Variants in ARMC10 observed in about 807,000 individuals in gnomAD.
The protein encoded by ARMC10 is armadillo repeat containing 10.
A neutral mutation model predicts 30.2 loss-of-function variants in ARMC10; 23 were observed. The ratio of observed to expected loss-of-function variants is 0.76; its 90% CI spans 0.55 to 1.08. The LOEUF is 1.08. Among genes scored for constraint, ARMC10 ranks in the 50% least tolerant of loss-of-function variants. The pLI is 0.00. For missense variants in ARMC10, 303 were observed against 413.7 expected, an observed-to-expected ratio of 0.73 and a Z score of 2.32; for synonymous variants, 111 against 164.4, an observed-to-expected ratio of 0.68 and a Z score of 2.48.
Position 103,083,716 on chromosome 7 carries a change from A to G in ARMC10, c.279A>G (p.Leu93=), listed in dbSNP as rs1800588834. 1 of 1,613,158 alleles carries G rather than the reference A, an allele frequency of 6.2e-7. No homozygotes were observed. The highest frequency in any genetic ancestry group is 8.5e-7 in the Non-Finnish European group (1 of 1,179,268). Residue 93 remains leucine, a synonymous_variant, in exon 3 of 7, where the codon CTA becomes CTG. Coordinates refer to ENST00000323716, the MANE Select transcript of ARMC10 (RefSeq NM_031905.5). The part of the protein sequence containing the change: ...DLTDGSYDDV[L]NAEQLQKLLY... Reference sequence around the variant, plus strand: ...CTGATGGTTCATATGATGATGTTCTAAATGCTGAACAACTTCAGAAACTCC... The same window carrying G: ...CTGATGGTTCATATGATGATGTTCTGAATGCTGAACAACTTCAGAAACTCC...
At position 103,098,650 on chromosome 7, in the gene ARMC10, T is replaced by C. The variant is rs1274801093; in HGVS notation, c.*97T>C. The C allele has an allele frequency of 2.0e-5, 30 of 1,489,646 alleles. No individual in the cohort carries two copies. In the South Asian group the frequency reaches 2.7e-4, roughly 13 times the overall value. The allele number at this position is 1,489,646 out of a possible 1,614,324, so 92.3% of individuals were successfully genotyped here. A position where few individuals can be genotyped will look rare whatever the true frequency, so the allele number is the denominator to read the frequency against. ...TCTCCCAGCTGCTAAATTTAAACAGTAAATATCACATTTTGTCATTAACAC... is the reference window on the plus strand; with the variant it reads ...TCTCCCAGCTGCTAAATTTAAACAGCAAATATCACATTTTGTCATTAACAC... On this transcript the variant is annotated 3_prime_UTR_variant, in exon 7 of 7. Coordinates refer to ENST00000323716, the MANE Select transcript of ARMC10 (RefSeq NM_031905.5).
chr7:103,089,546 A>G, intron 4 of ARMC10: 1 of 175,802 alleles, frequency 5.7e-6, no homozygotes, highest in Admixed American at 5.5e-5. Context: ...ACTGAGTTTC[A>G]GGACTTCTGG....
At position 103,075,533 on chromosome 7, in the gene ARMC10, C is replaced by T. The variant is rs1345512734; in HGVS notation, c.139+122C>T. On this transcript the variant is annotated intron_variant, in intron 1 of 6. Coordinates refer to ENST00000323716, the MANE Select transcript of ARMC10 (RefSeq NM_031905.5). ...AGCCGAGCTAGAGGGAGAGGCAGTA[C>T]TTGTGTGAGTGCAGGGTGCTGCGCC... 8.2e-6 allele frequency: 9 copies of T among 1,091,480 alleles called. No homozygotes were observed. The African/African-American group carries it at 1.3e-4, about 16-fold the overall frequency. 67.6% of individuals were successfully genotyped at this position (1,091,480 alleles called of 1,614,324 possible).
chr7:103,085,606 C>CTTTTTTT (rs10581217), intron 3 of ARMC10, among the ~76,000 whole-genome samples: 1 of 130,586 alleles, frequency 7.7e-6, no homozygotes, highest in African/African-American at 2.8e-5. Flanking sequence ...CATTTCTCTT[C>CTTTTTTT]TTTTTTTTTT....
intron 5 of ARMC10, among the ~76,000 whole-genome samples, chr7:103,094,901 C>T (rs534650562): frequency 6.6e-6 from 1 of 152,190 alleles, no homozygotes; most frequent in East Asian, 1.9e-4. Context: ...TTTGTTTTTA[C>T]CTTGTTCTCT....
At chr7:103,092,062 G>A (rs1007888509) in intron 4 of ARMC10, among the ~76,000 whole-genome samples, 1 of 152,220 alleles carries the variant, frequency 6.6e-6, no homozygotes, top group African/African-American at 2.4e-5. Context: ...GCCGGGCACA[G>A]TGGCTCACGC....
intron 5 of ARMC10, chr7:103,096,238 G>A (rs1432535167): frequency 6.6e-6 from 1 of 152,058 alleles, no homozygotes; most frequent in Non-Finnish European, 1.5e-5. Flanking sequence ...GTGGCTCATT[G>A]CCTGTAATCC....
chr7:103,097,339 C>G lies in ARMC10; in HGVS notation c.768C>G (p.Leu256=). The G allele has an allele frequency of 6.2e-7, 1 of 1,610,582 alleles. No homozygotes were observed. Among genetic ancestry groups the G allele is most frequent in the Non-Finnish European group, 8.5e-7 (1 of 1,177,122 alleles). ...ATCCAGCCATGACAGAAGGACTTCT[C>G]CGTGCCCAAGTAAATAGCTTATATA... ...SENPAMTEGL[L]RAQVDSSFLS... Residue 256 remains leucine (L), a synonymous_variant, in exon 6 of 7, where the codon CTC becomes CTG. Coordinates refer to ENST00000323716, the MANE Select transcript of ARMC10 (RefSeq NM_031905.5).
At chr7:103,097,225 G>A (rs894330510) in intron 5 of ARMC10, 52 bp from the exon 6 acceptor site, 4 of 1,456,858 alleles carry the variant, frequency 2.7e-6, no homozygotes, top group Middle Eastern at 1.7e-4. Flanking sequence ...ATGCCTGAGA[G>A]AGAAAATTCA....
chr7:103,085,568 A>C (rs1173280528), intron 3 of ARMC10, among the ~76,000 whole-genome samples: 1 of 150,166 alleles, frequency 6.7e-6, no homozygotes, highest in Non-Finnish European at 1.5e-5. Flanking sequence ...GACATCCCAG[A>C]TTATTTTCCC....
In ARMC10 at chr7:103,092,580, A is replaced by T. The variant is rs1223620124; in HGVS notation, c.632A>T (p.Asp211Val). ...TLLTNMTVTN[D>V]HQHMLHSYIT... ...TTGACAAACATGACTGTTACCAATGACCACCAGCACATGCTTCACAGTTAC... is the reference window on the plus strand; with the variant it reads ...TTGACAAACATGACTGTTACCAATGTCCACCAGCACATGCTTCACAGTTAC... Residue 211 changes from aspartate to valine, a missense_variant, in exon 5 of 7, where the codon GAC becomes GTC. Transcript: ENST00000323716. 3 of 1,609,414 alleles carry T rather than the reference A, an allele frequency of 1.9e-6. No individual in the cohort carries two copies. Among genetic ancestry groups the T allele is most frequent in the African/African-American group, 2.7e-5 (2 of 74,854 alleles).
At position 103,083,839 on chromosome 7, in the gene ARMC10, C is replaced by T. The variant is rs1800600542; in HGVS notation, c.393+9C>T. ...CCTTTTCAGTTAACCAAGTAAGTAC[C>T]TCAACTCAGCAAGCAAGCTCTTTCC... On this transcript the variant is annotated intron_variant, in intron 3 of 6. Coordinates refer to ENST00000323716, the MANE Select transcript of ARMC10 (RefSeq NM_031905.5). The T allele has an allele frequency of 5.0e-6, 8 of 1,612,012 alleles. No individual in the cohort carries two copies. In the East Asian group the frequency reaches 1.8e-4, roughly 36 times the overall value.
intron 5 of ARMC10, 124 bp from the exon 6 acceptor site, chr7:103,097,153 A>C: frequency 1.3e-6 from 1 of 779,940 alleles, no homozygotes; most frequent in Non-Finnish European, 2.2e-6. Context: ...AGTAGAGAGA[A>C]TTTGAGCCAG....
chr7:103,081,271 T>C (rs889685919), intron 2 of ARMC10, among the ~76,000 whole-genome samples: 6 of 152,246 alleles, frequency 3.9e-5, no homozygotes, highest in Admixed American at 3.3e-4. Context: ...GTGAGAATTC[T>C]GTGATACAAC....
Position 103,083,742 on chromosome 7 carries a change from T to A in ARMC10, c.305T>A (p.Leu102His). ...VLNAEQLQKL[L>H]YLLESTEDPV... ...AATGCTGAACAACTTCAGAAACTCC[T>A]TTACCTGCTGGAGTCAACGGAGGAT... is the stretch of plus-strand genomic sequence containing the variant. Residue 102 changes from leucine to histidine, a missense_variant, in exon 3 of 7, where the codon CTT (leucine) becomes CAT (histidine). Physicochemically the swap from Leu to His is moderately conservative, Grantham distance 99 (BLOSUM62 -3). This residue lies in a region of ARMC10 where 170 missense variants were observed against 207.2 expected (regional missense o/e 0.82). Coordinates refer to ENST00000323716, the MANE Select transcript of ARMC10 (RefSeq NM_031905.5). 1 of 1,613,612 alleles carries A rather than the reference T, an allele frequency of 6.2e-7. No individual in the cohort carries two copies. The highest frequency in any genetic ancestry group is 1.1e-5 in the South Asian group (1 of 91,068).
intron 2 of ARMC10, among the ~76,000 whole-genome samples, chr7:103,077,255 G>A (rs1446548103): frequency 6.6e-6 from 1 of 151,178 alleles, no homozygotes. Context: ...AGTGGAAGGG[G>A]AAGGTCTCTC....
chr7:103,086,070 G>A (rs1800825048), intron 3 of ARMC10, among the ~76,000 whole-genome samples: 1 of 151,952 alleles, frequency 6.6e-6, no homozygotes, highest in South Asian at 2.1e-4. Context: ...CAATGCACAT[G>A]GACATATTAA....
At chr7:103,086,130 C>G (rs1420095375) in intron 3 of ARMC10, among the ~76,000 whole-genome samples, 1 of 152,138 alleles carries the variant, frequency 6.6e-6, no homozygotes, top group Non-Finnish European at 1.5e-5. Flanking sequence ...ACTTAGATAA[C>G]CATGGGAAAC....
Position 103,075,865 on chromosome 7 carries a change from C to G in ARMC10, c.228C>G (p.Ser76=), listed in dbSNP as rs377750438. 8 of 1,603,776 alleles carry G rather than the reference C, an allele frequency of 5.0e-6. No homozygotes were observed. In the South Asian group the frequency reaches 6.7e-5, roughly 13 times the overall value. Residue 76 remains serine, a synonymous_variant, in exon 2 of 7, where the codon TCC becomes TCG. Coordinates refer to ENST00000323716, the MANE Select transcript of ARMC10 (RefSeq NM_031905.5). The part of the protein sequence containing the change: ...QTGGTWESQW[S]KTSQPEDLTD... ...GAGGTACCTGGGAGTCACAGTGGTC[C>G]AAGACCTCGCAGCCTGGTGTGTGTT...
Sources: gnomAD v4.1 joint callset for allele counts (sites outside exome capture counted in the v4.1 genomes callset) on GRCh38, gnomAD v4.1.1 for gene constraint, gnomAD v4.1.1 regional missense constraint, MANE v1.5 for transcripts, NCBI Gene and HGNC (gene_info 2026-07-23, HGNC 2026-07-21) for gene names.